FOXP1: variants seen among roughly 807,000 people sequenced by gnomAD.
The protein encoded by FOXP1 is forkhead box P1, also known as forkhead box protein P1.
In FOXP1, 15 loss-of-function variants were observed where a neutral mutation model predicts 98.2. The observed-to-expected ratio is 0.15, with a 90% CI of 0.10 to 0.24. The LOEUF is 0.24. Among genes scored for constraint, FOXP1 ranks in the 10% least tolerant of loss-of-function variants. The pLI, the probability that FOXP1 is intolerant of heterozygous loss-of-function variation, is 1.00. For synonymous variants in FOXP1, 371 were observed against 314.5 expected (o/e 1.18, Z -1.90); for missense variants, 633 against 848.5 (o/e 0.75, Z 3.15).
chr3:71,078,727 ATTTTG>A (rs2054088683), intron 7 of FOXP1, among the ~76,000 whole-genome samples: 1 of 151,856 alleles, frequency 6.6e-6, no homozygotes, highest in African/African-American at 2.4e-5. Flanking sequence ...CTTCCACTTC[ATTTTG>A]TTTTGCCTCC....
chr3:71,489,261 T>C (rs1368443184), intron 3 of FOXP1, among the ~76,000 whole-genome samples: 2 of 152,180 alleles, frequency 1.3e-5, no homozygotes, highest in Admixed American at 1.3e-4. Context: ...AGTCAAAAGG[T>C]AGCAATTTGA....
intron 3 of FOXP1, among the ~76,000 whole-genome samples, chr3:71,413,059 G>A (rs902543554): frequency 6.6e-6 from 1 of 151,988 alleles, no homozygotes; most frequent in Non-Finnish European, 1.5e-5. Flanking sequence ...CACAAAGGTG[G>A]AGGAGGCAAC....
At chr3:71,086,810 C>T (rs973202790) in intron 7 of FOXP1, among the ~76,000 whole-genome samples, 1 of 152,232 alleles carries the variant, frequency 6.6e-6, no homozygotes, top group Non-Finnish European at 1.5e-5. Context: ...CTTCCACTCC[C>T]GTCCCACTTT....
chr3:71,470,207 T>C (rs2089195556), intron 3 of FOXP1, among the ~76,000 whole-genome samples: 1 of 152,150 alleles, frequency 6.6e-6, no homozygotes. Flanking sequence ...TGACCGTGGG[T>C]AAGTTATTTA....
intron 4 of FOXP1, among the ~76,000 whole-genome samples, chr3:71,348,836 GA>G (rs1262262499): frequency 6.6e-6 from 1 of 152,138 alleles, no homozygotes; most frequent in Admixed American, 6.5e-5. Context: ...AGAAAGTAAA[GA>G]AGGTAGGCAG....
chr3:70,996,044 T>C (rs1255535432), intron 13 of FOXP1, among the ~76,000 whole-genome samples: 1 of 152,236 alleles, frequency 6.6e-6, no homozygotes, highest in African/African-American at 2.4e-5. Flanking sequence ...TGCAATGCAA[T>C]GGCGCAATCT....
At chr3:71,185,181 C>G (rs58302810) in intron 6 of FOXP1, among the ~76,000 whole-genome samples, 1 of 151,340 alleles carries the variant, frequency 6.6e-6, no homozygotes, top group Admixed American at 6.6e-5. Context: ...TGACAGACCA[C>G]GACTCCGTCT....
chr3:71,476,657 A>ATTTTTTT (rs55733297), intron 3 of FOXP1, among the ~76,000 whole-genome samples: 3 of 134,476 alleles, frequency 2.2e-5, no homozygotes, highest in African/African-American at 2.7e-5. Context: ...TGCCCAGCTA[A>ATTTTTTT]TTTTTTTTTT....
chr3:71,126,175 G>C (rs1338954968), intron 6 of FOXP1, among the ~76,000 whole-genome samples: 1 of 152,136 alleles, frequency 6.6e-6, no homozygotes, highest in African/African-American at 2.4e-5. Flanking sequence ...GTCAGCATTT[G>C]GGGATATGAT....
intron 3 of FOXP1, among the ~76,000 whole-genome samples, chr3:71,487,717 T>C (rs2090760403): frequency 6.6e-6 from 1 of 152,222 alleles, no homozygotes; most frequent in South Asian, 2.1e-4. Context: ...GTAGGTATCA[T>C]GTGAACGAAA....
At chr3:71,456,796 C>T (rs1390177895) in intron 3 of FOXP1, among the ~76,000 whole-genome samples, 1 of 142,022 alleles carries the variant, frequency 7.0e-6, no homozygotes, top group Non-Finnish European at 1.5e-5. Flanking sequence ...ATCAGAAAGT[C>T]AGTTATTGGT....
intron 6 of FOXP1, among the ~76,000 whole-genome samples, chr3:71,185,759 TAA>T (rs899771956): frequency 2.0e-5 from 3 of 152,214 alleles, no homozygotes; most frequent in African/African-American, 7.2e-5. Flanking sequence ...TTGGGGCCTT[TAA>T]AATCTCTAAG....
intron 12 of FOXP1, among the ~76,000 whole-genome samples, chr3:71,014,470 A>C (rs2044148906): frequency 6.6e-6 from 1 of 152,224 alleles, no homozygotes; most frequent in Non-Finnish European, 1.5e-5. Flanking sequence ...TAGAATGGCA[A>C]TCATTAAAAA....
chr3:71,465,424 C>T (rs1213827190), intron 3 of FOXP1, among the ~76,000 whole-genome samples: 1 of 152,004 alleles, frequency 6.6e-6, no homozygotes, highest in African/African-American at 2.4e-5. Flanking sequence ...CTCCACTCAG[C>T]AGATGGGAAA....
rs534318131 is a variant in FOXP1 at position 71,581,661 on chromosome 3, C to T, written c.-410G>A. Reference sequence around the variant, plus strand: ...GCTGCCCCCGGCCCGCTCGCTCGCTCGCCGCGCGCTCTCTTCCTCTTACAA... The same window carrying T: ...GCTGCCCCCGGCCCGCTCGCTCGCTTGCCGCGCGCTCTCTTCCTCTTACAA... On this transcript the variant is annotated 5_prime_UTR_variant, in exon 2 of 21. Coordinates refer to ENST00000649528, the MANE Select transcript of FOXP1 (RefSeq NM_001349338.3). 1.0e-5 allele frequency: 10 copies of T among 985,906 alleles called. No homozygotes were observed. Among genetic ancestry groups the T allele is most frequent in the Middle Eastern group, 5.2e-4 (1 of 1,912 alleles). 61.1% of individuals were successfully genotyped at this position (985,906 alleles called of 1,614,324 possible). A position where few individuals can be genotyped will look rare whatever the true frequency, so the allele number is the denominator to read the frequency against.
chr3:71,454,691 G>A (rs1355542788), intron 3 of FOXP1, among the ~76,000 whole-genome samples: 1 of 152,054 alleles, frequency 6.6e-6, no homozygotes. Context: ...TGATGCAGCT[G>A]CTCTTGATGG....
chr3:71,454,759 C>T (rs555906596), intron 3 of FOXP1, among the ~76,000 whole-genome samples: 5 of 151,530 alleles, frequency 3.3e-5, no homozygotes, highest in Admixed American at 1.3e-4. Flanking sequence ...CTGTGGAATA[C>T]GTGGATTCGA....
intron 6 of FOXP1, among the ~76,000 whole-genome samples, chr3:71,196,231 C>T (rs1174254746): frequency 6.6e-6 from 1 of 152,148 alleles, no homozygotes; most frequent in Non-Finnish European, 1.5e-5. Context: ...TAACCCATAA[C>T]AACAAATTTT....
At chr3:71,140,158 T>G (rs1196555124) in intron 6 of FOXP1, among the ~76,000 whole-genome samples, 2 of 151,830 alleles carry the variant, frequency 1.3e-5, no homozygotes, top group Non-Finnish European at 2.9e-5. Context: ...GATTTCAGAT[T>G]TTTTAGGATC....
Sources: gnomAD v4.1 joint callset for allele counts (sites outside exome capture counted in the v4.1 genomes callset) on GRCh38, gnomAD v4.1.1 for gene constraint, MANE v1.5 for transcripts, NCBI Gene and HGNC (gene_info 2026-07-23, HGNC 2026-07-21) for gene names.